Variants in TMX1 observed in about 807,000 individuals in gnomAD.
TMX1 encodes thioredoxin related transmembrane protein 1, also known as thioredoxin-related transmembrane protein 1.
Under a neutral mutation model 36.6 loss-of-function variants are expected in TMX1, and 25 were observed. The ratio of observed to expected loss-of-function variants is 0.68; its 90% CI spans 0.50 to 0.95. TMX1 has a LOEUF of 0.95. Among genes scored for constraint, TMX1 ranks in the 40% least tolerant of loss-of-function variants. The probability of loss-of-function intolerance (pLI) is 0.00; values close to 1 mark genes in which losing one functional copy is unlikely to be tolerated. For synonymous variants in TMX1, 133 were observed against 118.0 expected (o/e 1.13, Z -0.82); for missense variants, 347 against 339.6 (o/e 1.02, Z -0.17).
chr14:51,247,942 G>C (rs1188219577), intron 4 of TMX1, among the ~76,000 whole-genome samples: 3 of 152,186 alleles, frequency 2.0e-5, no homozygotes, highest in Non-Finnish European at 4.4e-5. Context: ...TCTCCATAGA[G>C]ACCGTCAATA....
At position 51,256,318 on chromosome 14, in the gene TMX1, C is replaced by T. The variant is rs1386210395; in HGVS notation, c.*1799C>T. On this transcript the variant is annotated 3_prime_UTR_variant, in exon 8 of 8. Coordinates refer to ENST00000457354, the MANE Select transcript of TMX1 (RefSeq NM_030755.5). ...GATTCTATAGAGTAAAAAATCAAAG[C>T]AAAACAAAAACCACAAAAAGACCCC... The T allele has an allele frequency of 6.6e-6, 1 of 151,000 alleles. No individual in the cohort carries two copies. The highest frequency in any genetic ancestry group is 1.5e-5 in the Non-Finnish European group (1 of 67,758). The allele number at this position is 151,000 out of a possible 1,614,324, so 9.4% of individuals were successfully genotyped here.
rs2065802086 is a variant in TMX1 at position 51,249,554 on chromosome 14, A to G, written c.576A>G (p.Gly192=). Residue 192 remains glycine, a synonymous_variant, in exon 6 of 8, where the codon GGA becomes GGG. Transcript: ENST00000457354. The stretch of plus-strand genomic sequence containing the variant: ...TTGCTTTAGCAACTCTGTTTTCCGG[A>G]CTGTTATTAGGACTCGTAAGTATTT... ...TVFALATLFS[G]LLLGLCMIFV... The G allele has an allele frequency of 8.1e-6, 13 of 1,613,440 alleles. No individual in the cohort carries two copies. The highest frequency in any genetic ancestry group is 1.1e-5 in the Non-Finnish European group (13 of 1,179,818).
intron 2 of TMX1, among the ~76,000 whole-genome samples, chr14:51,245,044 A>C (rs528540642): frequency 6.6e-6 from 1 of 152,306 alleles, no homozygotes; most frequent in African/African-American, 2.4e-5. Context: ...TAATTTTGAC[A>C]GTGATATAAA....
Position 51,249,693 on chromosome 14 carries a change from T to G in TMX1, c.592T>G (p.Cys198Gly). 1 of 1,613,560 alleles carries G rather than the reference T, an allele frequency of 6.2e-7. No homozygotes were observed. The highest frequency in any genetic ancestry group is 1.1e-5 in the South Asian group (1 of 90,992). Reference protein sequence around the residue: ...TLFSGLLLGLCMIFVADCLCP... With the variant: ...TLFSGLLLGLGMIFVADCLCP... ...TTTCTTACAATGTTTATTTTTACAG[T>G]GTATGATATTTGTGGCAGATTGCCT... is the stretch of plus-strand genomic sequence containing the variant. Residue 198 changes from cysteine to glycine, a missense_variant and splice_region_variant, in exon 7 of 8, where the codon TGT becomes GGT. Coordinates refer to ENST00000457354, the MANE Select transcript of TMX1 (RefSeq NM_030755.5).
intron 7 of TMX1, among the ~76,000 whole-genome samples, chr14:51,251,154 G>A (rs2065810861): frequency 6.6e-6 from 1 of 152,298 alleles, no homozygotes; most frequent in East Asian, 1.9e-4. Flanking sequence ...TAGCTATACC[G>A]ATGGTCCCTG....
chr14:51,243,519 T>C (rs2065771787), intron 1 of TMX1, among the ~76,000 whole-genome samples: 1 of 152,258 alleles, frequency 6.6e-6, no homozygotes, highest in South Asian at 2.1e-4. Context: ...TTATTAAAAT[T>C]GGTAAGCTCT....
chr14:51,249,834 A>C, intron 7 of TMX1, 69 bp downstream of exon 7: 1 of 1,231,722 alleles, frequency 8.1e-7, no homozygotes, highest in Non-Finnish European at 1.1e-6. Flanking sequence ...TCACAATCAC[A>C]CATTTCACAG....
chr14:51,251,101 G>A (rs1238109551), intron 7 of TMX1, among the ~76,000 whole-genome samples: 5 of 152,316 alleles, frequency 3.3e-5, no homozygotes, highest in South Asian at 4.1e-4. Flanking sequence ...TGAATAAAAT[G>A]TAAGATATAA....
intron 7 of TMX1, 88 bp downstream of exon 7, chr14:51,249,853 TC>T: frequency 9.8e-7 from 1 of 1,019,894 alleles, no homozygotes; most frequent in Non-Finnish European, 1.4e-6. Flanking sequence ...AGGTTGCTCT[TC>T]CAGCTTAGAA....
At chr14:51,254,096 G>C in intron 7 of TMX1, 1 of 296,444 alleles carries the variant, frequency 3.4e-6, no homozygotes, top group Non-Finnish European at 6.2e-6. Flanking sequence ...ATTAATTTCA[G>C]TTCAGTTTAT....
intron 7 of TMX1, among the ~76,000 whole-genome samples, chr14:51,250,950 G>C (rs1301463194): frequency 6.6e-6 from 1 of 151,242 alleles, no homozygotes; most frequent in Non-Finnish European, 1.5e-5. Context: ...ATAGGGGATG[G>C]AATCATTTTA....
intron 1 of TMX1, among the ~76,000 whole-genome samples, chr14:51,243,093 TAAAA>T (rs34241507): frequency 1.7e-4 from 24 of 138,168 alleles, no homozygotes; most frequent in East Asian, 2.1e-4. Context: ...CTGGTTCTGT[TAAAA>T]AAAAAAAAAA....
chr14:51,245,505 G>T, intron 3 of TMX1, 147 bp downstream of exon 3: 1 of 1,528,374 alleles, frequency 6.5e-7, no homozygotes, highest in Non-Finnish European at 8.8e-7. Context: ...TTTGCTTAGT[G>T]TTATCCTAGG....
At chr14:51,249,869 A>G (rs1242438025) in intron 7 of TMX1, 104 bp downstream of exon 7, 3 of 836,202 alleles carry the variant, frequency 3.6e-6, no homozygotes, top group Non-Finnish European at 3.7e-6. Context: ...TTAGAATTCT[A>G]ACTGTGGATT....
rs1405708576 is a variant in TMX1, at chr14:51,254,547, T to C, written c.*28T>C. The C allele has an allele frequency of 1.5e-5, 24 of 1,552,182 alleles. No individual in the cohort carries two copies. The highest frequency in any genetic ancestry group is 2.3e-5 in the East Asian group (1 of 43,170). On this transcript the variant is annotated 3_prime_UTR_variant, in exon 8 of 8. Coordinates refer to ENST00000457354, the MANE Select transcript of TMX1 (RefSeq NM_030755.5). ...AAATTTTATAGTTATCTTAATATTA[T>C]GATTTTGATAAAAACAGAAGATTGA...
At position 51,249,564 on chromosome 14, in the gene TMX1, G is replaced by A. The variant is rs766902407; in HGVS notation, c.586G>A (p.Gly196Arg). The A allele has an allele frequency of 6.2e-7, 1 of 1,613,012 alleles. No homozygotes were observed. Among genetic ancestry groups the A allele is most frequent in the Non-Finnish European group, 8.5e-7 (1 of 1,179,608 alleles). ...AACTCTGTTTTCCGGACTGTTATTA[G>A]GACTCGTAAGTATTTCATTTTTGGA... is the stretch of plus-strand genomic sequence containing the variant. ...LATLFSGLLL[G>R]LCMIFVADCL... Residue 196 changes from glycine to arginine, a missense_variant, in exon 6 of 8, where the codon GGA becomes AGA. Physicochemically the swap from Gly to Arg is moderately radical, Grantham distance 125 (BLOSUM62 -2). Transcript: ENST00000457354.
rs766220758 is a variant in TMX1 at position 51,254,476 on chromosome 14, GAC to G, written c.802_803del (p.Gln268ThrfsTer11). 6.2e-7 allele frequency: 1 copy of G among 1,609,414 alleles called. No individual in the cohort carries two copies. The highest frequency in any genetic ancestry group is 1.3e-5 in the African/African-American group (1 of 74,684). On this transcript the variant is annotated frameshift_variant, in exon 8 of 8. Transcript: ENST00000457354. LOFTEE classifies it high-confidence loss of function. Reference sequence around the variant, plus strand: ...AAAGACTTTCCACAGAATGCCATAAGACAACGCTCTCTGGGTCCATCATTGGC... The same window carrying G: ...AAAGACTTTCCACAGAATGCCATAAGAACGCTCTCTGGGTCCATCATTGGC...
In TMX1 at chr14:51,254,450, CAA is replaced by C. The variant is rs762805108; in HGVS notation, c.776_777del (p.Lys259ArgfsTer20). The C allele has an allele frequency of 3.1e-6, 5 of 1,611,842 alleles. No homozygotes were observed. Among genetic ancestry groups the C allele is most frequent in the East Asian group, 2.2e-5 (1 of 44,694 alleles). On this transcript the variant is annotated frameshift_variant, in exon 8 of 8. Coordinates refer to ENST00000457354, the MANE Select transcript of TMX1 (RefSeq NM_030755.5). LOFTEE classifies it high-confidence loss of function. ...EEAESKEGTN[K>X]DFPQNAIRQR... ...AAGCTGAAAGTAAAGAAGGAACAAA[CAA>C]AGACTTTCCACAGAATGCCATAAGA...
Position 51,243,905 on chromosome 14 carries a change from A to G in TMX1, c.202A>G (p.Ser68Gly), listed in dbSNP as rs776025864. Residue 68 changes from serine (S) to glycine (G), a missense_variant, in exon 2 of 8, where the codon AGT becomes GGT. Ser to Gly is a moderately conservative substitution (Grantham distance 56, BLOSUM62 0). Coordinates refer to ENST00000457354, the MANE Select transcript of TMX1 (RefSeq NM_030755.5). ...ACQNLQPEWE[S>G]FAEWGEDLEV... ...TCAAAATCTTCAACCGGAATGGGAA[A>G]GTTTTGCTGAATGGGGAGAAGATCT... 3.7e-6 allele frequency: 6 copies of G among 1,612,216 alleles called. No individual in the cohort carries two copies. In the Admixed American group the frequency reaches 5.0e-5, roughly 13 times the overall value.
Sources: allele counts gnomAD v4.1 joint callset (sites outside exome capture counted in the v4.1 genomes callset), GRCh38; gene constraint gnomAD v4.1.1; transcripts MANE v1.5; gene names NCBI Gene and HGNC (gene_info 2026-07-23, HGNC 2026-07-21).